The following IRAK2 variants were observed in gnomAD, a reference collection of about 807,000 sequenced individuals.
The protein encoded by IRAK2 is interleukin-1 receptor-associated kinase-like 2.
IRAK2 carries 57 observed loss-of-function variants against 72.0 expected under a neutral mutation model. The ratio of observed to expected loss-of-function variants is 0.79; its 90% CI spans 0.64 to 0.99. The LOEUF (loss-of-function observed/expected upper bound fraction) is 0.99. Among genes scored for constraint, IRAK2 ranks in the 50% least tolerant of loss-of-function variants. The pLI is 0.00. For missense variants in IRAK2, 790 were observed against 794.4 expected (o/e 0.99, Z 0.07); for synonymous variants, 293 against 312.7 (o/e 0.94, Z 0.67).
At chr3:10,201,046 A>C (rs1344087012) in intron 3 of IRAK2, among the ~76,000 whole-genome samples, 1 of 152,246 alleles carries the variant, frequency 6.6e-6, no homozygotes, top group African/African-American at 2.4e-5. Context: ...AAGTAGAAAA[A>C]ATCAGGTAAC....
chr3:10,187,740 T>C (rs1396707764), intron 2 of IRAK2, among the ~76,000 whole-genome samples: 1 of 152,202 alleles, frequency 6.6e-6, no homozygotes, highest in Non-Finnish European at 1.5e-5. Context: ...GGTACTCCTT[T>C]TCATTTGATA....
intron 2 of IRAK2, among the ~76,000 whole-genome samples, chr3:10,185,298 A>G (rs776804): frequency 1.3e-5 from 2 of 148,542 alleles, no homozygotes; most frequent in Non-Finnish European, 3.0e-5. Context: ...TGGCTCATGC[A>G]TGTAATCCCA....
intron 10 of IRAK2, among the ~76,000 whole-genome samples, chr3:10,230,344 C>G (rs1052307958): frequency 6.6e-6 from 1 of 151,658 alleles, no homozygotes; most frequent in Non-Finnish European, 1.5e-5. Context: ...TCTCCTATCT[C>G]CTATCTTCTT....
chr3:10,228,518 G>A (rs1162057754), intron 10 of IRAK2, among the ~76,000 whole-genome samples: 2 of 152,288 alleles, frequency 1.3e-5, no homozygotes, highest in East Asian at 3.9e-4. Context: ...CCGGACAAGT[G>A]TCACAGTGGA....
intron 2 of IRAK2, among the ~76,000 whole-genome samples, chr3:10,190,990 C>T (rs1005806590): frequency 6.6e-6 from 1 of 152,256 alleles, no homozygotes. Context: ...TAGATAGCAT[C>T]TTCACTTAAA....
intron 6 of IRAK2, among the ~76,000 whole-genome samples, chr3:10,214,486 C>A (rs1460577263): frequency 6.8e-6 from 1 of 147,112 alleles, no homozygotes; most frequent in Non-Finnish European, 1.5e-5. Context: ...CTGCCTTGAC[C>A]TCCCAAGATG....
chr3:10,230,960 C>G (rs1336048523), intron 10 of IRAK2, among the ~76,000 whole-genome samples: 1 of 151,778 alleles, frequency 6.6e-6, no homozygotes, highest in Non-Finnish European at 1.5e-5. Flanking sequence ...ACCATGTTGG[C>G]CAGGCTGGTC....
intron 10 of IRAK2, among the ~76,000 whole-genome samples, chr3:10,228,274 C>T (rs779901): frequency 0.21 from 31,940 of 152,042 alleles, 4,277 homozygotes; most frequent in East Asian, 0.64. Flanking sequence ...GCCCCAGAAG[C>T]ATCCCCTGGG....
intron 2 of IRAK2, among the ~76,000 whole-genome samples, chr3:10,193,003 T>C (rs1161472711): frequency 6.6e-6 from 1 of 152,110 alleles, no homozygotes; most frequent in Non-Finnish European, 1.5e-5. Context: ...CACATCTCAT[T>C]TGTCGGATGA....
intron 3 of IRAK2, among the ~76,000 whole-genome samples, chr3:10,208,033 T>C (rs1697458354): frequency 1.4e-5 from 2 of 147,870 alleles, no homozygotes; most frequent in African/African-American, 5.0e-5. Flanking sequence ...CTGGAACCAC[T>C]GATGACTGTG....
At chr3:10,238,111 C>G (rs532446097) in intron 11 of IRAK2, among the ~76,000 whole-genome samples, 2 of 151,940 alleles carry the variant, frequency 1.3e-5, no homozygotes, top group African/African-American at 2.4e-5. Context: ...CACACGTGCA[C>G]GCACACACAC....
At chr3:10,183,018 C>T (rs1357085283) in intron 2 of IRAK2, among the ~76,000 whole-genome samples, 1 of 152,156 alleles carries the variant, frequency 6.6e-6, no homozygotes, top group Non-Finnish European at 1.5e-5. Flanking sequence ...GTGATCTGCC[C>T]ACCTCGGCCT....
intron 12 of IRAK2, 78 bp from the exon 13 acceptor site, chr3:10,242,038 G>T: frequency 1.2e-6 from 1 of 822,634 alleles, no homozygotes; most frequent in Non-Finnish European, 2.0e-6. Flanking sequence ...TCAGAAACCT[G>T]ATTTAAGTGA....
chr3:10,222,587 T>C, intron 8 of IRAK2, 49 bp from the exon 9 acceptor site: 1 of 1,518,314 alleles, frequency 6.6e-7, no homozygotes, highest in Non-Finnish European at 9.1e-7. Flanking sequence ...GGCAACTTGT[T>C]GTTATCCAGC....
At position 10,213,481 on chromosome 3, in the gene IRAK2, C is replaced by T. The variant is rs541234590; in HGVS notation, c.724-3C>T. On this transcript the variant is annotated splice_polypyrimidine_tract_variant and splice_region_variant and intron_variant, in intron 5 of 12. Coordinates refer to ENST00000256458, the MANE Select transcript of IRAK2 (RefSeq NM_001570.4). Reference sequence around the variant, plus strand: ...CTTCATGTTCTGATGTCTTTCTCTACAGACAGCCTGTTCAAGTCCAGGATC... The same window carrying T: ...CTTCATGTTCTGATGTCTTTCTCTATAGACAGCCTGTTCAAGTCCAGGATC... The T allele has an allele frequency of 5.0e-6, 8 of 1,613,948 alleles. No individual in the cohort carries two copies. The East Asian group carries it at 1.3e-4, about 27-fold the overall frequency.
chr3:10,214,973 A>G (rs908598639), intron 6 of IRAK2, among the ~76,000 whole-genome samples: 1 of 152,090 alleles, frequency 6.6e-6, no homozygotes, highest in Non-Finnish European at 1.5e-5. Context: ...GTATGCCTGC[A>G]GTCCCAGCTA....
At chr3:10,197,720 T>C (rs375018103) in intron 2 of IRAK2, among the ~76,000 whole-genome samples, 417 of 148,346 alleles carry the variant, frequency 2.8e-3, no homozygotes, top group Middle Eastern at 0.014. Context: ...GGTGTGGTGG[T>C]GGGCGCCTAT....
chr3:10,197,258 A>T (rs963386430), intron 2 of IRAK2, among the ~76,000 whole-genome samples: 1 of 151,730 alleles, frequency 6.6e-6, no homozygotes, highest in Non-Finnish European at 1.5e-5. Context: ...GGTGTTGCAA[A>T]CCTGTAATCC....
chr3:10,232,316 C>G (rs983828735), intron 10 of IRAK2, among the ~76,000 whole-genome samples: 1 of 152,134 alleles, frequency 6.6e-6, no homozygotes, highest in South Asian at 2.1e-4. Context: ...CTCATATTTC[C>G]TATATTTGGC....
Sources: allele counts gnomAD v4.1 joint callset (sites outside exome capture counted in the v4.1 genomes callset), GRCh38; gene constraint gnomAD v4.1.1; transcripts MANE v1.5; gene names NCBI Gene and HGNC (gene_info 2026-07-23, HGNC 2026-07-21).